The following PLCB1 variants were observed in gnomAD, a reference collection of about 807,000 sequenced individuals.
PLCB1 encodes the protein 1-phosphatidylinositol 4,5-bisphosphate phosphodiesterase beta-1.
PLCB1 carries 46 observed loss-of-function variants against 161.8 expected under a neutral mutation model. That is an observed-to-expected ratio of 0.28 (90% confidence interval 0.22 to 0.36). The LOEUF is 0.36. Among genes scored for constraint, PLCB1 ranks in the 10% least tolerant of loss-of-function variants. The pLI, the probability that PLCB1 is intolerant of heterozygous loss-of-function variation, is 1.00. For synonymous variants in PLCB1, 517 were observed against 503.7 expected (o/e 1.03, Z -0.35); for missense variants, 1,016 against 1,472.5 (o/e 0.69, Z 5.07).
chr20:8,328,225 C>G (rs544778816), intron 2 of PLCB1, among the ~76,000 whole-genome samples: 56 of 152,118 alleles, frequency 3.7e-4, no homozygotes, highest in African/African-American at 1.3e-3. Context: ...AGATGCTCAA[C>G]CTGTACATGA....
At chr20:8,136,365 G>A (rs558058091) in intron 1 of PLCB1, among the ~76,000 whole-genome samples, 4 of 152,180 alleles carry the variant, frequency 2.6e-5, no homozygotes, top group South Asian at 2.1e-4. Flanking sequence ...GGTGGCTCAA[G>A]CCTGTAATCC....
intron 3 of PLCB1, among the ~76,000 whole-genome samples, chr20:8,448,136 G>C (rs1468664907): frequency 6.6e-6 from 1 of 152,184 alleles, no homozygotes; most frequent in South Asian, 2.1e-4. Flanking sequence ...TGTTGAGTAG[G>C]CGCTTACTAG....
At chr20:8,272,189 A>G (rs1251026917) in intron 2 of PLCB1, among the ~76,000 whole-genome samples, 1 of 152,136 alleles carries the variant, frequency 6.6e-6, no homozygotes, top group Non-Finnish European at 1.5e-5. Context: ...ACGGTCAAGA[A>G]CAGTTAACTA....
At chr20:8,354,894 A>G (rs1466420611) in intron 2 of PLCB1, among the ~76,000 whole-genome samples, 2 of 152,234 alleles carry the variant, frequency 1.3e-5, no homozygotes, top group Admixed American at 6.5e-5. Context: ...GAATTTTTTC[A>G]GTAAGGCTGT....
At chr20:8,375,997 C>T (rs1262664930) in intron 3 of PLCB1, among the ~76,000 whole-genome samples, 1 of 149,058 alleles carries the variant, frequency 6.7e-6, no homozygotes, top group Non-Finnish European at 1.5e-5. Context: ...GGTACTATGC[C>T]AACAAAAAGG....
At chr20:8,149,404 A>G (rs1420161261) in intron 1 of PLCB1, among the ~76,000 whole-genome samples, 1 of 152,162 alleles carries the variant, frequency 6.6e-6, no homozygotes, top group Non-Finnish European at 1.5e-5. Context: ...TGCTCTGCCC[A>G]TTAGGAAGAA....
At chr20:8,793,296 C>T (rs1427947982) in intron 31 of PLCB1, among the ~76,000 whole-genome samples, 3 of 152,132 alleles carry the variant, frequency 2.0e-5, no homozygotes, top group Non-Finnish European at 2.9e-5. Context: ...ATATTAAAGA[C>T]AATTGTAACC....
chr20:8,755,908 T>C (rs1444371079), intron 23 of PLCB1, among the ~76,000 whole-genome samples: 1 of 152,248 alleles, frequency 6.6e-6, no homozygotes, highest in African/African-American at 2.4e-5. Flanking sequence ...CAGTCTGACG[T>C]TGGACAGGGA....
intron 3 of PLCB1, among the ~76,000 whole-genome samples, chr20:8,444,811 A>AT (rs1352946050): frequency 3.3e-5 from 5 of 150,698 alleles, no homozygotes; most frequent in African/African-American, 9.7e-5. Context: ...GATGATGAGC[A>AT]TTTTTTCATG....
At chr20:8,573,687 G>C (rs1383118518) in intron 3 of PLCB1, among the ~76,000 whole-genome samples, 32 of 152,240 alleles carry the variant, frequency 2.1e-4, no homozygotes, top group Non-Finnish European at 1.2e-4. Context: ...CTTTCACTTT[G>C]ATCTCTGTTA....
chr20:8,413,001 C>T (rs1979111353), intron 3 of PLCB1, among the ~76,000 whole-genome samples: 1 of 150,874 alleles, frequency 6.6e-6, no homozygotes, highest in African/African-American at 2.4e-5. Context: ...ATAATTTACC[C>T]AGCGAATTGG....
At chr20:8,406,903 A>T (rs1978810882) in intron 3 of PLCB1, among the ~76,000 whole-genome samples, 2 of 152,154 alleles carry the variant, frequency 1.3e-5, no homozygotes, top group Non-Finnish European at 2.9e-5. Context: ...GGAACTTATA[A>T]TGAATATTTG....
intron 2 of PLCB1, among the ~76,000 whole-genome samples, chr20:8,290,276 C>A (rs985590724): frequency 6.6e-6 from 1 of 152,106 alleles, no homozygotes; most frequent in Non-Finnish European, 1.5e-5. Flanking sequence ...GAGGAGATTC[C>A]GAGACAAGGA....
intron 19 of PLCB1, among the ~76,000 whole-genome samples, chr20:8,734,260 A>G (rs1224237511): frequency 1.3e-5 from 2 of 151,864 alleles, no homozygotes; most frequent in Non-Finnish European, 2.9e-5. Context: ...GAGACTCATC[A>G]TAAGCAAACC....
At chr20:8,564,013 A>G (rs754110771) in intron 3 of PLCB1, among the ~76,000 whole-genome samples, 5 of 152,166 alleles carry the variant, frequency 3.3e-5, no homozygotes, top group Non-Finnish European at 7.4e-5. Context: ...TTCATATGGA[A>G]CCAAAAAAGA....
chr20:8,773,111 C>T (rs1417086454), intron 26 of PLCB1, among the ~76,000 whole-genome samples: 1 of 152,188 alleles, frequency 6.6e-6, no homozygotes, highest in African/African-American at 2.4e-5. Flanking sequence ...TTGACAAAAT[C>T]TGATTCTAAC....
At chr20:8,551,464 G>A (rs983966394) in intron 3 of PLCB1, among the ~76,000 whole-genome samples, 2 of 152,172 alleles carry the variant, frequency 1.3e-5, no homozygotes, top group Non-Finnish European at 2.9e-5. Context: ...TAAAGGCCTG[G>A]CACAGATATG....
intron 31 of PLCB1, among the ~76,000 whole-genome samples, chr20:8,845,476 G>T (rs1986658882): frequency 6.6e-6 from 1 of 152,056 alleles, no homozygotes; most frequent in Non-Finnish European, 1.5e-5. Context: ...ATTAATTAAA[G>T]AAAAATATAA....
rs1568523857 is a variant in PLCB1 at position 8,599,425 on chromosome 20, G to GC, written c.247-28864dup. ...TTTTCTTTAAGAATGTTGAATATTGGCCCCCACTCTCTTCTGGCTTGTAGG... is the reference window on the plus strand; with the variant it reads ...TTTTCTTTAAGAATGTTGAATATTGGCCCCCCACTCTCTTCTGGCTTGTAGG... On this transcript the variant is annotated intron_variant, in intron 3 of 31. Coordinates refer to ENST00000338037, the MANE Select transcript of PLCB1 (RefSeq NM_015192.4). 2.7e-5 allele frequency among the ~76,000 whole-genome samples: 4 copies of GC among 147,564 alleles called. No individual in the cohort carries two copies. The South Asian group carries it at 6.6e-4, about 24-fold the overall frequency.
Sources: gnomAD v4.1 joint callset for allele counts (sites outside exome capture counted in the v4.1 genomes callset) on GRCh38, gnomAD v4.1.1 for gene constraint, MANE v1.5 for transcripts, NCBI Gene and HGNC (gene_info 2026-07-23, HGNC 2026-07-21) for gene names.